PUM1: variants seen among roughly 807,000 people sequenced by gnomAD.
The protein encoded by PUM1 is pumilio homolog 1.
In PUM1, 13 loss-of-function variants were observed where a neutral mutation model predicts 131.8. The observed-to-expected ratio is 0.10, with a 90% confidence interval of 0.06 to 0.16. PUM1 has a LOEUF of 0.16. Ranked by LOEUF, PUM1 falls within the 10% of genes least tolerant of loss-of-function variation. The pLI, the probability that PUM1 is intolerant of heterozygous loss-of-function variation, is 1.00. For missense variants in PUM1, 961 were observed against 1,512.4 expected (o/e 0.64, Z 6.05); for synonymous variants, 509 against 556.5 (o/e 0.91, Z 1.20).
chr1:30,983,945 T>C (rs1225813447), intron 7 of PUM1, among the ~76,000 whole-genome samples: 1 of 152,158 alleles, frequency 6.6e-6, no homozygotes. Flanking sequence ...TTTATGTATG[T>C]GTACTGTATC....
At chr1:31,042,351 A>G (rs1643847475) in intron 2 of PUM1, among the ~76,000 whole-genome samples, 1 of 151,882 alleles carries the variant, frequency 6.6e-6, no homozygotes, top group Admixed American at 6.6e-5. Flanking sequence ...AAAATAAAAT[A>G]AAATTGCCTC....
At position 31,027,555 on chromosome 1, in the gene PUM1, A is replaced by C. The variant is rs79234676; in HGVS notation, c.432+1241T>G. 4.9e-3 allele frequency among the ~76,000 whole-genome samples: 747 copies of C among 152,326 alleles called. 4 individuals are homozygous for C. The highest frequency in any genetic ancestry group is 6.6e-3 in the Non-Finnish European group (447 of 68,038). On this transcript the variant is annotated intron_variant, in intron 3 of 21. Coordinates refer to ENST00000426105, the MANE Select transcript of PUM1 (RefSeq NM_001020658.2). ...AGGACATCTCCCAATCATCTCCTAA[A>C]GCTCTAGGAGGAAAACAGACCAAAA...
At chr1:30,973,269 T>A (rs377532052) in intron 10 of PUM1, among the ~76,000 whole-genome samples, 1 of 135,832 alleles carries the variant, frequency 7.4e-6, no homozygotes. Context: ...AAAAAAAAAA[T>A]TAAACATACA....
chr1:31,058,549 C>T (rs144754967), intron 2 of PUM1, among the ~76,000 whole-genome samples: 2,091 of 151,980 alleles, frequency 0.014, 38 homozygotes, highest in African/African-American at 0.048. Context: ...GTAGTCCCAG[C>T]TACTCGGGAG....
rs1297147412 is a variant in PUM1, at chr1:30,966,126, T to C, written c.1942A>G (p.Asn648Asp). The change falls in exon 13 of 22, where the codon AAC (asparagine) becomes GAC (aspartate). Residue 648 changes from asparagine to aspartate, a missense_variant. Around this residue, in one of 4 missense-constraint regions of PUM1, gnomAD observed 654 missense variants for 923.9 expected, o/e 0.71. Coordinates refer to ENST00000426105, the MANE Select transcript of PUM1 (RefSeq NM_001020658.2). ...TGTGAATTGCTGTTCAGAGAGTTGTTGCCGTAGAAAGAACTGGATGCCAGG... is the reference window on the plus strand; with the variant it reads ...TGTGAATTGCTGTTCAGAGAGTTGTCGCCGTAGAAAGAACTGGATGCCAGG... ...NNLASSSFYG[N>D]NSLNSNSQSS... 1.2e-6 allele frequency: 2 copies of C among 1,614,126 alleles called. No individual in the cohort carries two copies. The highest frequency in any genetic ancestry group is 3.3e-5 in the Admixed American group (2 of 60,018).
chr1:30,956,960 C>T (rs1460139957), intron 14 of PUM1, among the ~76,000 whole-genome samples: 1 of 152,114 alleles, frequency 6.6e-6, no homozygotes, highest in African/African-American at 2.4e-5. Context: ...GACTAATCCA[C>T]ACACAGGACT....
rs542019796 is a variant in PUM1, at chr1:31,010,775, T to C, written c.433-3673A>G. ...AGCTTTGAGATGAATGCAGCCAAAG[T>C]TGAAATCATGACTGCAGCTTGTGAA... is the stretch of plus-strand genomic sequence containing the variant. On this transcript the variant is annotated intron_variant, in intron 3 of 21. Coordinates refer to ENST00000426105, the MANE Select transcript of PUM1 (RefSeq NM_001020658.2). 3.9e-5 allele frequency among the ~76,000 whole-genome samples: 6 copies of C among 152,316 alleles called. No individual in the cohort carries two copies. The South Asian group carries it at 8.3e-4, about 21-fold the overall frequency.
intron 7 of PUM1, among the ~76,000 whole-genome samples, chr1:30,987,194 A>AT (rs1557571692): frequency 6.9e-6 from 1 of 145,622 alleles, no homozygotes; most frequent in African/African-American, 2.5e-5. Flanking sequence ...CCTAGTAACA[A>AT]ATTTTTTTTT....
chr1:30,959,647 C>T (rs1252551577), intron 14 of PUM1, among the ~76,000 whole-genome samples: 1 of 152,138 alleles, frequency 6.6e-6, no homozygotes, highest in Admixed American at 6.5e-5. Context: ...ATGGCTCACA[C>T]CTGTAATCCC....
chr1:30,950,798 T>G (rs1366875522), intron 16 of PUM1, among the ~76,000 whole-genome samples: 2 of 152,140 alleles, frequency 1.3e-5, no homozygotes, highest in Admixed American at 1.3e-4. Flanking sequence ...GCGGCAGAGG[T>G]TACAGTGAGC....
At chr1:31,016,746 C>G (rs1642833516) in intron 3 of PUM1, among the ~76,000 whole-genome samples, 1 of 152,146 alleles carries the variant, frequency 6.6e-6, no homozygotes. Context: ...CAAATGGTTA[C>G]TACTGAAAAC....
intron 10 of PUM1, among the ~76,000 whole-genome samples, chr1:30,974,425 G>C (rs772018848): frequency 5.3e-5 from 8 of 152,116 alleles, no homozygotes; most frequent in African/African-American, 9.7e-5. Flanking sequence ...TTCCCTATAG[G>C]TGAACTGGTT....
intron 5 of PUM1, among the ~76,000 whole-genome samples, chr1:30,999,857 T>C (rs2124498792): frequency 6.6e-6 from 1 of 152,336 alleles, no homozygotes; most frequent in Admixed American, 6.5e-5. Flanking sequence ...GGTGTTTCTT[T>C]GTAACACTAT....
intron 2 of PUM1, among the ~76,000 whole-genome samples, chr1:31,029,668 C>T (rs1643346484): frequency 1.3e-5 from 2 of 152,254 alleles, no homozygotes; most frequent in Admixed American, 6.5e-5. Flanking sequence ...CACCACCTAC[C>T]CCTGGGCAAG....
At chr1:31,065,559 A>G (rs1035342297) in intron 1 of PUM1, 57 bp downstream of exon 1, 15 of 1,526,552 alleles carry the variant, frequency 9.8e-6, no homozygotes, top group East Asian at 7.6e-5. Flanking sequence ...TGAAGGGACA[A>G]TCTGCTCGTT....
chr1:31,027,535 A>C (rs1643271868), intron 3 of PUM1, among the ~76,000 whole-genome samples: 1 of 152,344 alleles, frequency 6.6e-6, no homozygotes, highest in South Asian at 2.1e-4. Flanking sequence ...ACACAAGGAC[A>C]TCTCCCAATC....
At chr1:31,002,969 G>C (rs1642270218) in intron 5 of PUM1, among the ~76,000 whole-genome samples, 1 of 152,178 alleles carries the variant, frequency 6.6e-6, no homozygotes, top group Admixed American at 6.5e-5. Context: ...ACACTACATA[G>C]AGATTTATTT....
chr1:31,065,498 C>A (rs1462418614), intron 1 of PUM1, 118 bp downstream of exon 1: 117 of 1,243,368 alleles, frequency 9.4e-5, no homozygotes, highest in Non-Finnish European at 1.1e-4. Context: ...AGGGCCCCGG[C>A]GGCTTTTCCA....
intron 17 of PUM1, among the ~76,000 whole-genome samples, chr1:30,947,241 T>G (rs1488590909): frequency 1.3e-5 from 2 of 152,222 alleles, no homozygotes; most frequent in African/African-American, 4.8e-5. Context: ...TACATTATCC[T>G]GAACACCCCA....
Sources: allele counts gnomAD v4.1 joint callset (sites outside exome capture counted in the v4.1 genomes callset), GRCh38; gene constraint gnomAD v4.1.1; regional missense constraint gnomAD v4.1.1; transcripts MANE v1.5; gene names NCBI Gene and HGNC (gene_info 2026-07-23, HGNC 2026-07-21).